The following GRHL1 variants were observed in gnomAD, a reference collection of about 807,000 sequenced individuals.
GRHL1 encodes the protein grainyhead-like protein 1 homolog.
A neutral mutation model predicts 75.7 loss-of-function variants in GRHL1; 38 were observed. That is an observed-to-expected ratio of 0.50 (90% CI 0.39 to 0.66). The LOEUF (loss-of-function observed/expected upper bound fraction) is 0.66. Ranked by LOEUF, GRHL1 falls within the 30% of genes least tolerant of loss-of-function variation. The probability of loss-of-function intolerance (pLI) is 0.00; values close to 1 mark genes in which losing one functional copy is unlikely to be tolerated. For missense variants in GRHL1, 589 were observed against 767.5 expected (o/e 0.77, Z 2.75); for synonymous variants, 266 against 279.4 (o/e 0.95, Z 0.48).
intron 12 of GRHL1, among the ~76,000 whole-genome samples, chr2:9,993,687 G>T (rs922546137): frequency 6.6e-6 from 1 of 152,198 alleles, no homozygotes; most frequent in African/African-American, 2.4e-5. Flanking sequence ...GCCTGGCAGG[G>T]ATGTCATAGA....
rs1396914846 is a variant in GRHL1 at position 9,998,659 on chromosome 2, TATATATGTACACATATATATAC to T, written c.1678-299_1678-278del. On this transcript the variant is annotated intron_variant, in intron 14 of 15. Transcript: ENST00000324907. The stretch of plus-strand genomic sequence containing the variant: ...ATATATGTACACATATACATATACA[TATATATGTACACATATATATAC>T]ATATATATGTACACACATATATATA... Among the ~76,000 whole-genome samples, 5 of 72,730 alleles carry T rather than the reference TATATATGTACACATATATATAC, an allele frequency of 6.9e-5. 1 individual carries two copies. The highest frequency in any genetic ancestry group is 2.2e-4 in the African/African-American group (3 of 13,666). The allele number at this position is 72,730 out of a possible 152,430, so 47.7% of individuals were successfully genotyped here. A position where few individuals can be genotyped will look rare whatever the true frequency, so the allele number is the denominator to read the frequency against.
In GRHL1 at chr2:9,964,052, G is replaced by A; in HGVS notation, c.903+10G>A. The A allele has an allele frequency of 6.2e-7, 1 of 1,611,632 alleles. No homozygotes were observed. Among genetic ancestry groups the A allele is most frequent in the Non-Finnish European group, 8.5e-7 (1 of 1,177,996 alleles). On this transcript the variant is annotated intron_variant, in intron 6 of 15. Coordinates refer to ENST00000324907, the MANE Select transcript of GRHL1 (RefSeq NM_198182.3). Reference sequence around the variant, plus strand: ...CATCAGCAAAGTTCGAGTAAGTTCTGCTCTTAGTCCTGTTCTCTAGGAAAG... The same window carrying A: ...CATCAGCAAAGTTCGAGTAAGTTCTACTCTTAGTCCTGTTCTCTAGGAAAG...
intron 3 of GRHL1, chr2:9,960,446 AT>A (rs2125207579): frequency 6.6e-6 from 1 of 151,784 alleles, no homozygotes; most frequent in East Asian, 1.9e-4. Flanking sequence ...TCTCAAAAAA[AT>A]AAAAAATTAA....
rs1186441095 is a variant in GRHL1 at position 9,961,426 on chromosome 2, G to A, written c.659G>A (p.Gly220Asp). 10 of 1,605,122 alleles carry A rather than the reference G, an allele frequency of 6.2e-6. No individual in the cohort carries two copies. The highest frequency in any genetic ancestry group is 8.5e-6 in the Non-Finnish European group (10 of 1,172,768). The change falls in exon 4 of 16, where the codon GGC becomes GAC. Residue 220 changes from glycine (G) to aspartate (D), a missense_variant. Gly to Asp is a moderately conservative substitution (Grantham distance 94, BLOSUM62 -1). This residue lies in a region of GRHL1 where 362 missense variants were observed against 461.8 expected (regional missense o/e 0.78). Transcript: ENST00000324907. ...ACCTTCTCAGAGACCTTCAAGGAAGGCGTTCAGGAGGTAAGGAAACAAAAA... is the reference window on the plus strand; with the variant it reads ...ACCTTCTCAGAGACCTTCAAGGAAGACGTTCAGGAGGTAAGGAAACAAAAA... ...DSTFSETFKE[G>D]VQEVFFPSDL...
At chr2:9,998,552 A>ACG in intron 14 of GRHL1, among the ~76,000 whole-genome samples, 1 of 77,234 alleles carries the variant, frequency 1.3e-5, no homozygotes, top group South Asian at 3.4e-4. Flanking sequence ...ACATATGTAT[A>ACG]TATGTGTGTA....
intron 15 of GRHL1, 88 bp downstream of exon 15, chr2:9,999,117 C>A (rs1669155030): frequency 2.1e-6 from 1 of 466,464 alleles, no homozygotes; most frequent in Non-Finnish European, 3.9e-6. Flanking sequence ...GCTGTTGACA[C>A]CCCCCAGCAC....
chr2:9,981,499 C>T (rs1311363612), intron 8 of GRHL1, among the ~76,000 whole-genome samples: 11 of 152,216 alleles, frequency 7.2e-5, no homozygotes, highest in African/African-American at 2.7e-4. Context: ...AGCTCTGAGG[C>T]GCGGGCCAGC....
chr2:9,959,531 A>G (rs1432504719), intron 3 of GRHL1: 1 of 152,194 alleles, frequency 6.6e-6, no homozygotes, highest in African/African-American at 2.4e-5. Context: ...ACTTTCTTCT[A>G]CTTAGTTTGT....
chr2:9,961,450 A>T lies in GRHL1; in HGVS notation c.669+14A>T, dbSNP rs897989753. On this transcript the variant is annotated intron_variant, in intron 4 of 15. Transcript: ENST00000324907. ...GGCGTTCAGGAGGTAAGGAAACAAA[A>T]ACATCTTCCTAAGACGCCTGCGTGT... 6.3e-7 allele frequency: 1 copy of T among 1,590,348 alleles called. No homozygotes were observed. The highest frequency in any genetic ancestry group is 8.6e-7 in the Non-Finnish European group (1 of 1,163,880).
At chr2:9,971,616 T>C (rs1667726663) in intron 8 of GRHL1, among the ~76,000 whole-genome samples, 2 of 152,208 alleles carry the variant, frequency 1.3e-5, no homozygotes, top group African/African-American at 4.8e-5. Flanking sequence ...GATTTTTTCT[T>C]ATGCAGTTTA....
intron 3 of GRHL1, chr2:9,959,289 A>G (rs1361447014): frequency 4.6e-5 from 7 of 152,378 alleles, no homozygotes; most frequent in African/African-American, 1.4e-4. Context: ...AATATTTTAG[A>G]TTAAAACTTT....
intron 8 of GRHL1, among the ~76,000 whole-genome samples, chr2:9,975,212 C>T (rs1667896748): frequency 6.6e-6 from 1 of 152,134 alleles, no homozygotes; most frequent in Non-Finnish European, 1.5e-5. Flanking sequence ...CAGACATTAC[C>T]ACATCTGTAA....
chr2:9,995,843 G>A (rs1668838455), intron 12 of GRHL1, 36 bp from the exon 13 acceptor site: 2 of 1,220,272 alleles, frequency 1.6e-6, no homozygotes, highest in East Asian at 2.3e-5. Context: ...AGCTGGTTAA[G>A]TTGAATCACT....
At chr2:9,970,177 G>C (rs1002717501) in intron 8 of GRHL1, among the ~76,000 whole-genome samples, 3 of 152,190 alleles carry the variant, frequency 2.0e-5, no homozygotes, top group African/African-American at 7.2e-5. Flanking sequence ...AATGAATCCT[G>C]GGAATATAAA....
chr2:9,977,899 G>A (rs1426484050), intron 8 of GRHL1, among the ~76,000 whole-genome samples: 3 of 152,192 alleles, frequency 2.0e-5, no homozygotes, highest in Admixed American at 6.5e-5. Context: ...AATAAAAAGA[G>A]ATTTAATGGA....
At chr2:9,966,987 TATC>T (rs1667522254) in intron 8 of GRHL1, among the ~76,000 whole-genome samples, 1 of 152,212 alleles carries the variant, frequency 6.6e-6, no homozygotes, top group African/African-American at 2.4e-5. Flanking sequence ...TGAAATTAAA[TATC>T]ATAATAGGAC....
intron 9 of GRHL1, among the ~76,000 whole-genome samples, chr2:9,989,218 T>C (rs2125239087): frequency 1.3e-5 from 2 of 152,348 alleles, no homozygotes; most frequent in African/African-American, 4.8e-5. Context: ...GTCCTTATTA[T>C]ATAATAATGC....
chr2:10,001,006 T>G lies in GRHL1; in HGVS notation c.*299T>G. 4.8e-6 allele frequency: 1 copy of G among 209,398 alleles called. No individual in the cohort carries two copies. The highest frequency in any genetic ancestry group is 5.9e-5 in the Admixed American group (1 of 16,896). The allele number at this position is 209,398 out of a possible 1,614,324, so 13.0% of individuals were successfully genotyped here. On this transcript the variant is annotated 3_prime_UTR_variant, in exon 16 of 16. Transcript: ENST00000324907. ...GAGTTAACAGAGTCTCTGGGAAGCT[T>G]TAGGACATCTGCTACGTTATTTATC...
chr2:9,961,402 C>A lies in GRHL1; in HGVS notation c.635C>A (p.Thr212Asn), dbSNP rs1379848291. 6.2e-7 allele frequency: 1 copy of A among 1,613,554 alleles called. No homozygotes were observed. Among genetic ancestry groups the A allele is most frequent in the South Asian group, 1.1e-5 (1 of 91,074 alleles). Reference sequence around the variant, plus strand: ...GCTCAAAGGCGAACTCCAGACTCGACCTTCTCAGAGACCTTCAAGGAAGGC... The same window carrying A: ...GCTCAAAGGCGAACTCCAGACTCGAACTTCTCAGAGACCTTCAAGGAAGGC... ...PNAQRRTPDSTFSETFKEGVQ... is the reference protein window; with the variant it reads ...PNAQRRTPDSNFSETFKEGVQ... Residue 212 changes from threonine to asparagine, a missense_variant, in exon 4 of 16, where the codon ACC (threonine) becomes AAC (asparagine). Transcript: ENST00000324907.
Sources: allele counts gnomAD v4.1 joint callset (sites outside exome capture counted in the v4.1 genomes callset), GRCh38; gene constraint gnomAD v4.1.1; regional missense constraint gnomAD v4.1.1; transcripts MANE v1.5; gene names NCBI Gene and HGNC (gene_info 2026-07-23, HGNC 2026-07-21).